The following GSK3B variants were observed in gnomAD, a reference collection of about 807,000 sequenced individuals.
GSK3B encodes glycogen synthase kinase 3 beta, also known as glycogen synthase kinase-3 beta.
GSK3B carries 15 observed loss-of-function variants against 56.4 expected under a neutral mutation model. That is an observed-to-expected ratio of 0.27 (90% CI 0.18 to 0.41). The LOEUF (loss-of-function observed/expected upper bound fraction) is 0.41. GSK3B is among the 10% of genes least tolerant of loss of function. GSK3B has a pLI of 1.00. For synonymous variants in GSK3B, 181 were observed against 188.9 expected (o/e 0.96, Z 0.34); for missense variants, 300 against 513.4 (o/e 0.58, Z 4.02).
chr3:120,017,020 G>A (rs894087647), intron 1 of GSK3B, among the ~76,000 whole-genome samples: 4 of 152,070 alleles, frequency 2.6e-5, no homozygotes, highest in Non-Finnish European at 5.9e-5. Flanking sequence ...AAAAATCTTT[G>A]GCTTTTAGGA....
intron 2 of GSK3B, among the ~76,000 whole-genome samples, chr3:119,997,084 C>T (rs79410757): frequency 1.3e-5 from 2 of 152,028 alleles, no homozygotes; most frequent in Non-Finnish European, 2.9e-5. Flanking sequence ...AACAAAACAA[C>T]AAAAACACTC....
chr3:120,064,434 TA>T lies in GSK3B; in HGVS notation c.88+28912del, dbSNP rs560058764. Among the ~76,000 whole-genome samples, 1,431 of 150,790 alleles carry T rather than the reference TA, an allele frequency of 9.5e-3. 13 individuals are homozygous for T. The highest frequency in any genetic ancestry group is 0.035 in the Middle Eastern group (10 of 288). On this transcript the variant is annotated intron_variant, in intron 1 of 10. Transcript: ENST00000264235. ...TTATAGCAGTATCCAAAAAGAAAAA[TA>T]AAAAAAACTAGGAATAAACTTAACT...
At chr3:119,999,363 G>A (rs1166453877) in intron 2 of GSK3B, among the ~76,000 whole-genome samples, 1 of 152,154 alleles carries the variant, frequency 6.6e-6, no homozygotes, top group Non-Finnish European at 1.5e-5. Context: ...TCGAATCCTT[G>A]CTCATCCATC....
chr3:120,064,864 T>C (rs548910566), intron 1 of GSK3B, among the ~76,000 whole-genome samples: 1 of 152,154 alleles, frequency 6.6e-6, no homozygotes, highest in African/African-American at 2.4e-5. Context: ...TATGGTCAAC[T>C]GATGAGTAAT....
At chr3:119,990,661 G>A (rs919737695) in intron 2 of GSK3B, among the ~76,000 whole-genome samples, 7 of 152,160 alleles carry the variant, frequency 4.6e-5, no homozygotes, top group African/African-American at 1.7e-4. Context: ...AAGCGCGGTG[G>A]CCCACAATTG....
chr3:119,950,606 G>A (rs930951786), intron 2 of GSK3B, among the ~76,000 whole-genome samples: 1 of 152,128 alleles, frequency 6.6e-6, no homozygotes, highest in Admixed American at 6.6e-5. Flanking sequence ...GGGACACAGG[G>A]TCCTAAGGGG....
chr3:120,093,751 A>C lies in GSK3B; in HGVS notation c.-317T>G. On this transcript the variant is annotated 5_prime_UTR_variant, in exon 1 of 11. Coordinates refer to ENST00000264235, the MANE Select transcript of GSK3B (RefSeq NM_001146156.2). Reference sequence around the variant, plus strand: ...GAGGGCAAATCCTAAAAAAATATGTATCACGTGAAACGGGGGCAAATACTT... The same window carrying C: ...GAGGGCAAATCCTAAAAAAATATGTCTCACGTGAAACGGGGGCAAATACTT... 1 of 295,900 alleles carries C rather than the reference A, an allele frequency of 3.4e-6. No individual in the cohort carries two copies. The highest frequency in any genetic ancestry group is 6.3e-6 in the Non-Finnish European group (1 of 158,616). 18.3% of individuals were successfully genotyped at this position (295,900 alleles called of 1,614,324 possible).
At chr3:119,944,155 T>C (rs2057076486) in intron 3 of GSK3B, among the ~76,000 whole-genome samples, 1 of 152,196 alleles carries the variant, frequency 6.6e-6, no homozygotes, top group Non-Finnish European at 1.5e-5. Flanking sequence ...TTCTTTCTCA[T>C]CTTCACAATG....
At chr3:120,025,631 A>C (rs992121525) in intron 1 of GSK3B, among the ~76,000 whole-genome samples, 1 of 152,208 alleles carries the variant, frequency 6.6e-6, no homozygotes, top group Non-Finnish European at 1.5e-5. Context: ...TCTGCAGGAC[A>C]AAAAGGTACA....
chr3:119,989,773 A>C (rs2057547482), intron 2 of GSK3B, among the ~76,000 whole-genome samples: 1 of 152,092 alleles, frequency 6.6e-6, no homozygotes, highest in Non-Finnish European at 1.5e-5. Flanking sequence ...TATGCCTGGG[A>C]CTAATGTTCT....
At position 119,861,208 on chromosome 3, in the gene GSK3B, C is replaced by G. The variant is rs1178816323; in HGVS notation, c.1096+2211G>C. Among the ~76,000 whole-genome samples the G allele has an allele frequency of 7.2e-5, 11 of 152,096 alleles. 1 individual carries two copies. The highest frequency in any genetic ancestry group is 7.2e-4 in the Admixed American group (11 of 15,264). ...AAAATTAGAATACAGAGTATCATAT[C>G]AAATAGAATGGCATCATCAAGGCCA... On this transcript the variant is annotated intron_variant, in intron 9 of 10. Transcript: ENST00000264235.
At chr3:119,995,619 G>A (rs764379792) in intron 2 of GSK3B, among the ~76,000 whole-genome samples, 43 of 151,504 alleles carry the variant, frequency 2.8e-4, no homozygotes, top group Non-Finnish European at 4.9e-4. Flanking sequence ...TTTTTTAGTA[G>A]AGACAGGGTT....
chr3:120,053,193 C>A (rs754925948), intron 1 of GSK3B, among the ~76,000 whole-genome samples: 10 of 151,978 alleles, frequency 6.6e-5, no homozygotes, highest in Non-Finnish European at 1.5e-4. Flanking sequence ...AAAAATTAGC[C>A]GGGTGTGTTG....
chr3:119,966,542 AAG>A (rs1323206767), intron 2 of GSK3B, among the ~76,000 whole-genome samples: 1 of 152,220 alleles, frequency 6.6e-6, no homozygotes, highest in East Asian at 1.9e-4. Flanking sequence ...ACTGATGGAA[AAG>A]AGGCACAGGC....
chr3:119,866,516 C>A, intron 8 of GSK3B: 1 of 859,440 alleles, frequency 1.2e-6, no homozygotes, highest in South Asian at 1.4e-5. Flanking sequence ...AATTATTTAG[C>A]CTCTCAAAGA....
intron 1 of GSK3B, among the ~76,000 whole-genome samples, chr3:120,078,975 GTC>G: frequency 7.5e-6 from 1 of 133,878 alleles, no homozygotes; most frequent in Non-Finnish European, 1.6e-5. Context: ...CAGTCTCGCT[GTC>G]TCGCCCAGGC....
At position 119,892,815 on chromosome 3, in the gene GSK3B, G is replaced by C. The variant is rs372404041; in HGVS notation, c.813+12940C>G. Among the ~76,000 whole-genome samples, 11 of 152,112 alleles carry C rather than the reference G, an allele frequency of 7.2e-5. No individual in the cohort carries two copies. In the East Asian group the frequency reaches 1.9e-3, roughly 27 times the overall value. Reference sequence around the variant, plus strand: ...ACCTAAACATCTTCATTTATTTTCTGCATATGGAATTTGGAGTGTTGGGTT... The same window carrying C: ...ACCTAAACATCTTCATTTATTTTCTCCATATGGAATTTGGAGTGTTGGGTT... On this transcript the variant is annotated intron_variant, in intron 7 of 10. Coordinates refer to ENST00000264235, the MANE Select transcript of GSK3B (RefSeq NM_001146156.2).
At chr3:120,004,001 G>A (rs9867915) in intron 1 of GSK3B, among the ~76,000 whole-genome samples, 9,172 of 152,286 alleles carry the variant, frequency 0.06, 892 homozygotes, top group African/African-American at 0.21. Context: ...CCCAAGGGAA[G>A]GCATGAGTGG....
chr3:119,866,539 A>G, intron 8 of GSK3B: 2 of 1,149,372 alleles, frequency 1.7e-6, no homozygotes, highest in Non-Finnish European at 2.6e-6. Flanking sequence ...ATTTCCCCCA[A>G]GTTTTATAGA....
Sources: allele counts gnomAD v4.1 joint callset (sites outside exome capture counted in the v4.1 genomes callset), GRCh38; gene constraint gnomAD v4.1.1; transcripts MANE v1.5; gene names NCBI Gene and HGNC (gene_info 2026-07-23, HGNC 2026-07-21).